Variants in DERPC observed in about 807,000 individuals in gnomAD.
DERPC encodes DERPC proline and glycine rich nuclear protein, also known as decreased expression in renal and prostate cancer protein.
In DERPC, 1 loss-of-function variant was observed where a neutral mutation model predicts 7.2. The ratio of observed to expected loss-of-function variants is 0.14; its 90% CI spans 0.05 to 0.66. The LOEUF is 0.66. Among genes scored for constraint, DERPC ranks in the 30% least tolerant of loss-of-function variants. The pLI is 0.84. For missense variants in DERPC, 502 were observed against 299.4 expected (o/e 1.68, Z -4.99); for synonymous variants, 185 against 117.6 (o/e 1.57, Z -3.71).
intron 1 of DERPC, 136 bp from the exon 2 acceptor site, chr16:69,121,629 C>A: frequency 1.8e-6 from 1 of 552,770 alleles, no homozygotes; most frequent in Non-Finnish European, 3.3e-6. Context: ...AGGCACCCAC[C>A]ACTATGGCCA....
chr16:69,124,173 C>G (rs1961893609), intron 1 of DERPC, among the ~76,000 whole-genome samples: 2 of 151,420 alleles, frequency 1.3e-5, no homozygotes, highest in South Asian at 4.2e-4. Flanking sequence ...TGGTGGCAAA[C>G]TTGGAGTACT....
chr16:69,126,865 GT>G (rs1195584913), intron 1 of DERPC, among the ~76,000 whole-genome samples: 5 of 152,170 alleles, frequency 3.3e-5, no homozygotes, highest in African/African-American at 1.2e-4. Context: ...CTAGGGCACA[GT>G]AGGTAGGGAT....
intron 1 of DERPC, among the ~76,000 whole-genome samples, chr16:69,124,094 ACT>A (rs1224975105): frequency 4.6e-5 from 7 of 151,414 alleles, no homozygotes; most frequent in South Asian, 2.1e-4. Flanking sequence ...GAAGAGCAAG[ACT>A]CTGTCTCAAA....
At chr16:69,121,719 G>A (rs1486323720) in intron 1 of DERPC, among the ~76,000 whole-genome samples, 1 of 150,030 alleles carries the variant, frequency 6.7e-6, no homozygotes, top group Non-Finnish European at 1.5e-5. Context: ...CCAGGTTGGA[G>A]TGCAATGGCA....
chr16:69,122,539 A>ATTTT (rs764144816), intron 1 of DERPC, among the ~76,000 whole-genome samples: 2 of 130,746 alleles, frequency 1.5e-5, no homozygotes, highest in Non-Finnish European at 3.3e-5. Flanking sequence ...TACCCAGCTA[A>ATTTT]TTTTTTTTTT....
Position 69,118,676 on chromosome 16 carries a change from C to CAAAT in DERPC, c.*174_*177dup, listed in dbSNP as rs1183660072. On this transcript the variant is annotated 3_prime_UTR_variant, in exon 3 of 3. Transcript: ENST00000519520. ...CCCACCTGCCACAGTTCACATGCCA[C>CAAAT]AAATAACATCTCACCTTCAGTCAAG... 1.5e-6 allele frequency: 1 copy of CAAAT among 675,724 alleles called. No individual in the cohort carries two copies. The highest frequency in any genetic ancestry group is 2.7e-6 in the Non-Finnish European group (1 of 372,248). The allele number at this position is 675,724 out of a possible 1,614,324, so 41.9% of individuals were successfully genotyped here.
At chr16:69,127,601 C>CCTTTTT (rs1170530279) in intron 1 of DERPC, among the ~76,000 whole-genome samples, 5 of 104,396 alleles carry the variant, frequency 4.8e-5, no homozygotes, top group African/African-American at 1.5e-4. Context: ...CTCCCGGCAA[C>CCTTTTT]TTTTTTTTTT....
chr16:69,130,607 T>C (rs534366306), intron 1 of DERPC, among the ~76,000 whole-genome samples: 41 of 152,340 alleles, frequency 2.7e-4, no homozygotes, highest in African/African-American at 9.4e-4. Flanking sequence ...AACAATACAC[T>C]GGGCATAAAC....
At chr16:69,128,660 T>TG (rs1274505653) in intron 1 of DERPC, among the ~76,000 whole-genome samples, 1 of 152,178 alleles carries the variant, frequency 6.6e-6, no homozygotes, top group Non-Finnish European at 1.5e-5. Flanking sequence ...TGACCCACAA[T>TG]GGGAACCCTA....
intron 1 of DERPC, among the ~76,000 whole-genome samples, chr16:69,131,061 T>C (rs562069104): frequency 6.6e-6 from 1 of 152,338 alleles, no homozygotes; most frequent in South Asian, 2.1e-4. Context: ...GGGACAGGTC[T>C]ATACTTTTGA....
At chr16:69,127,553 T>C (rs1962158176) in intron 1 of DERPC, among the ~76,000 whole-genome samples, 1 of 150,662 alleles carries the variant, frequency 6.6e-6, no homozygotes, top group Non-Finnish European at 1.5e-5. Flanking sequence ...ACGCTATACA[T>C]GAAGTCAAGA....
At position 69,118,469 on chromosome 16, in the gene DERPC, T is replaced by C; in HGVS notation, c.*385A>G. The C allele has an allele frequency of 1.3e-6, 2 of 1,540,552 alleles. No homozygotes were observed. Among genetic ancestry groups the C allele is most frequent in the South Asian group, 2.2e-5 (2 of 89,680 alleles). On this transcript the variant is annotated 3_prime_UTR_variant, in exon 3 of 3. Transcript: ENST00000519520. ...CGTTTCTAGAGAGCAGTGAGCTGAT[T>C]CTCCAATGGTGAGCAGGGGACTACA...
chr16:69,127,178 CAG>C (rs1245949921), intron 1 of DERPC, among the ~76,000 whole-genome samples: 1 of 150,692 alleles, frequency 6.6e-6, no homozygotes, highest in Non-Finnish European at 1.5e-5. Flanking sequence ...GCGGAGGCTG[CAG>C]TGAGCTGAGA....
At chr16:69,131,031 T>C (rs1213660996) in intron 1 of DERPC, among the ~76,000 whole-genome samples, 5 of 152,204 alleles carry the variant, frequency 3.3e-5, no homozygotes, top group Non-Finnish European at 7.3e-5. Context: ...TGTAGTGTTA[T>C]CGTGGTTTTG....
At chr16:69,131,222 G>C (rs752554661) in intron 1 of DERPC, 1 of 152,118 alleles carries the variant, frequency 6.6e-6, no homozygotes, top group Non-Finnish European at 1.5e-5. Flanking sequence ...GTTCAAAAAC[G>C]TGTGTGGATG....
intron 1 of DERPC, among the ~76,000 whole-genome samples, chr16:69,128,986 C>T (rs975871522): frequency 6.6e-6 from 1 of 152,002 alleles, no homozygotes; most frequent in Non-Finnish European, 1.5e-5. Flanking sequence ...ATCGCTTGAT[C>T]CTGGGAGGCG....
chr16:69,118,244 C>T lies in DERPC; in HGVS notation c.*610G>A. On this transcript the variant is annotated 3_prime_UTR_variant, in exon 3 of 3. Coordinates refer to ENST00000519520, the MANE Select transcript of DERPC (RefSeq NM_001002847.4). ...TGAGTAGAGGGGCCTTAAATCTGGC[C>T]ACCTCTAAGTCCCAGGAGAAGGGAG... 1.4e-6 allele frequency: 1 copy of T among 722,162 alleles called. No homozygotes were observed. The allele number at this position is 722,162 out of a possible 1,614,324, so 44.7% of individuals were successfully genotyped here.
In DERPC at chr16:69,132,476, G is replaced by A. The variant is rs1223975716; in HGVS notation, c.-280+8C>T. On this transcript the variant is annotated splice_region_variant and intron_variant, in intron 1 of 2. Transcript: ENST00000519520. Reference sequence around the variant, plus strand: ...GCAGCCTCCCGTGCCCCCCGCCCGCGGCCTGACCTGCAATGGCGGCCGCCG... The same window carrying A: ...GCAGCCTCCCGTGCCCCCCGCCCGCAGCCTGACCTGCAATGGCGGCCGCCG... 2 of 243,134 alleles carry A rather than the reference G, an allele frequency of 8.2e-6. No individual in the cohort carries two copies. Among genetic ancestry groups the A allele is most frequent in the Non-Finnish European group, 1.6e-5 (2 of 126,502 alleles). 15.1% of individuals were successfully genotyped at this position (243,134 alleles called of 1,614,324 possible). A position where few individuals can be genotyped will look rare whatever the true frequency, so the allele number is the denominator to read the frequency against.
chr16:69,120,776 T>C lies in DERPC; in HGVS notation c.-221-127A>G. 1.2e-6 allele frequency: 1 copy of C among 850,430 alleles called. No homozygotes were observed. The highest frequency in any genetic ancestry group is 1.9e-6 in the Non-Finnish European group (1 of 531,630). 52.7% of individuals were successfully genotyped at this position (850,430 alleles called of 1,614,324 possible). ...ATCCCTGGTCTGGCTCTGCCATTGT[T>C]GAGCAGCCACACTGGACCACCCACC... On this transcript the variant is annotated intron_variant, in intron 2 of 2. Transcript: ENST00000519520. This position sits in a 1 kb window ranked among gnomAD's most constrained non-coding sequence, Gnocchi z 4.0.
Sources: gnomAD v4.1 joint callset for allele counts (sites outside exome capture counted in the v4.1 genomes callset) on GRCh38, gnomAD v4.1.1 for gene constraint, Gnocchi (gnomAD v3.1) non-coding constraint, MANE v1.5 for transcripts, NCBI Gene and HGNC (gene_info 2026-07-23, HGNC 2026-07-21) for gene names.